The following EHMT1 variants were observed in gnomAD, a reference collection of about 807,000 sequenced individuals.
The protein encoded by EHMT1 is histone-lysine N-methyltransferase EHMT1.
Under a neutral mutation model 147.2 loss-of-function variants are expected in EHMT1, and 15 were observed. The observed-to-expected ratio is 0.10, with a 90% CI of 0.07 to 0.16. EHMT1 has a LOEUF of 0.16. Among genes scored for constraint, EHMT1 ranks in the 10% least tolerant of loss-of-function variants. The probability of loss-of-function intolerance (pLI) is 1.00; values close to 1 mark genes in which losing one functional copy is unlikely to be tolerated. For synonymous variants in EHMT1, 795 were observed against 709.6 expected, an observed-to-expected ratio of 1.12 and a Z score of -1.91; for missense variants, 1,587 against 1,772.4, an observed-to-expected ratio of 0.90 and a Z score of 1.88.
chr9:137,640,059 C>G (rs185913136), intron 1 of EHMT1, among the ~76,000 whole-genome samples: 2 of 152,150 alleles, frequency 1.3e-5, no homozygotes, highest in East Asian at 3.9e-4. Flanking sequence ...CTCTGCCTCC[C>G]GAGTAGCTAG....
intron 10 of EHMT1, chr9:137,763,209 G>A (rs891890459): frequency 4.4e-5 from 18 of 409,150 alleles, no homozygotes; most frequent in Non-Finnish European, 5.4e-5. Flanking sequence ...GGCAGGCCCC[G>A]CAAGGGCCGG....
chr9:137,658,001 T>C lies in EHMT1; in HGVS notation c.21+38952T>C, dbSNP rs190616345. On this transcript the variant is annotated intron_variant, in intron 1 of 26. Coordinates refer to ENST00000460843, the MANE Select transcript of EHMT1 (RefSeq NM_024757.5). Reference sequence around the variant, plus strand: ...TCTTTCTGTGCCCAGCTGATTTCACTTAACACAGTGACCTCCAGTTCCATC... The same window carrying C: ...TCTTTCTGTGCCCAGCTGATTTCACCTAACACAGTGACCTCCAGTTCCATC... Among the ~76,000 whole-genome samples, 388 of 152,292 alleles carry C rather than the reference T, an allele frequency of 2.5e-3. 1 individual carries two copies. Among genetic ancestry groups the C allele is most frequent in the African/African-American group, 8.8e-3 (365 of 41,566 alleles).
intron 1 of EHMT1, among the ~76,000 whole-genome samples, chr9:137,689,289 C>T (rs2134797308): frequency 6.6e-6 from 1 of 152,294 alleles, no homozygotes; most frequent in South Asian, 2.1e-4. Context: ...ATGTGTCCTT[C>T]AGGAGTATTT....
chr9:137,813,275 G>A lies in EHMT1; in HGVS notation c.3035+102G>A. On this transcript the variant is annotated intron_variant, in intron 20 of 26. Coordinates refer to ENST00000460843, the MANE Select transcript of EHMT1 (RefSeq NM_024757.5). This position sits in a 1 kb window ranked among gnomAD's most constrained non-coding sequence, Gnocchi z 4.9. ...CCTGAAGCCGAAACATCCCCAGGCT[G>A]CAGTCCAAATTGTCAGGGCCAGGTG... is the stretch of plus-strand genomic sequence containing the variant. 6.4e-7 allele frequency: 1 copy of A among 1,558,134 alleles called. No homozygotes were observed. Among genetic ancestry groups the A allele is most frequent in the East Asian group, 2.4e-5 (1 of 42,546 alleles).
chr9:137,675,667 T>G (rs1450349940), intron 1 of EHMT1, among the ~76,000 whole-genome samples: 1 of 135,768 alleles, frequency 7.4e-6, no homozygotes, highest in Admixed American at 7.8e-5. Context: ...AGAGTCTCGC[T>G]CTGTCACCAG....
intron 25 of EHMT1, among the ~76,000 whole-genome samples, chr9:137,831,029 C>T (rs59026755): frequency 0.064 from 9,786 of 152,146 alleles, 1,026 homozygotes; most frequent in African/African-American, 0.22. Flanking sequence ...TTTCCTGGTT[C>T]GTAGCCAGTG....
intron 3 of EHMT1, among the ~76,000 whole-genome samples, chr9:137,725,347 GTGCCTTCATTAGT>G (rs1946524407): frequency 6.6e-6 from 1 of 152,184 alleles, no homozygotes; most frequent in Non-Finnish European, 1.5e-5. Flanking sequence ...CGTGTGTGAG[GTGCCTTCATTAGT>G]GGACATGGCA....
At chr9:137,652,930 G>A in intron 1 of EHMT1, among the ~76,000 whole-genome samples, 1 of 151,658 alleles carries the variant, frequency 6.6e-6, no homozygotes, top group Middle Eastern at 3.2e-3. Flanking sequence ...GTTTCACCAT[G>A]TTGGCCAGGC....
chr9:137,647,838 C>A (rs1199185457), intron 1 of EHMT1, among the ~76,000 whole-genome samples: 1 of 152,092 alleles, frequency 6.6e-6, no homozygotes, highest in African/African-American at 2.4e-5. Flanking sequence ...CTCAGGCAAT[C>A]CACCCGCCTC....
rs572565689 is a variant in EHMT1, at chr9:137,728,284, T to G, written c.643-65T>G. On this transcript the variant is annotated intron_variant, in intron 3 of 26. Transcript: ENST00000460843. ...TCGGGGAGAAGAACTGTGATTTTGG[T>G]TGCATGTTATTTCAGTGACCACCTG... 1.6e-4 allele frequency: 253 copies of G among 1,605,032 alleles called. 2 individuals carry two copies. The Middle Eastern group carries it at 4.0e-3, about 25-fold the overall frequency.
intron 1 of EHMT1, chr9:137,646,294 T>G: frequency 1.0e-6 from 1 of 966,340 alleles, no homozygotes; most frequent in Non-Finnish European, 1.2e-6. Context: ...GCTAGAAATT[T>G]AAAATGATGT....
chr9:137,777,221 CAA>C (rs1405018317), intron 12 of EHMT1: 1 of 264,454 alleles, frequency 3.8e-6, no homozygotes, highest in Non-Finnish European at 7.4e-6. Flanking sequence ...TAGCTGAAGA[CAA>C]AAAAGTCTAA....
At chr9:137,734,659 T>G (rs1320374750) in intron 4 of EHMT1, among the ~76,000 whole-genome samples, 1 of 152,216 alleles carries the variant, frequency 6.6e-6, no homozygotes, top group East Asian at 1.9e-4. Context: ...CACGTTATAC[T>G]TGAGACACTT....
At position 137,813,289 on chromosome 9, in the gene EHMT1, C is replaced by T; in HGVS notation, c.3036-97C>T. On this transcript the variant is annotated intron_variant, in intron 20 of 26. Coordinates refer to ENST00000460843, the MANE Select transcript of EHMT1 (RefSeq NM_024757.5). The surrounding 1 kb of genome is among the most constrained non-coding windows in gnomAD (Gnocchi z 4.9). ...ATCCCCAGGCTGCAGTCCAAATTGTCAGGGCCAGGTGTTTGCCAGCCGCCC... is the reference window on the plus strand; with the variant it reads ...ATCCCCAGGCTGCAGTCCAAATTGTTAGGGCCAGGTGTTTGCCAGCCGCCC... The T allele has an allele frequency of 6.4e-7, 1 of 1,556,318 alleles. No homozygotes were observed. Among genetic ancestry groups the T allele is most frequent in the Non-Finnish European group, 8.6e-7 (1 of 1,156,420 alleles).
intron 1 of EHMT1, among the ~76,000 whole-genome samples, chr9:137,660,063 G>A (rs949675846): frequency 6.6e-6 from 1 of 151,904 alleles, no homozygotes; most frequent in Non-Finnish European, 1.5e-5. Context: ...ATGTGCCGGT[G>A]TGGTGGCTCA....
At chr9:137,685,996 T>A (rs990688246) in intron 1 of EHMT1, among the ~76,000 whole-genome samples, 1 of 152,216 alleles carries the variant, frequency 6.6e-6, no homozygotes, top group Admixed American at 6.5e-5. Flanking sequence ...CAGGCTGGTC[T>A]CCAGCCCCTG....
chr9:137,666,538 C>G (rs1041189347), intron 1 of EHMT1, among the ~76,000 whole-genome samples: 1 of 146,378 alleles, frequency 6.8e-6, no homozygotes, highest in Non-Finnish European at 1.5e-5. Context: ...AGAGGCCAGG[C>G]TGTGCAGGGC....
At chr9:137,710,831 C>T in intron 1 of EHMT1, 136 bp from the exon 2 acceptor site, 1 of 886,956 alleles carries the variant, frequency 1.1e-6, no homozygotes, top group Non-Finnish European at 1.7e-6. Flanking sequence ...AACCAGCTGG[C>T]AGGAGTAAAT....
At chr9:137,821,790 A>C (rs1955441982) in intron 25 of EHMT1, among the ~76,000 whole-genome samples, 1 of 152,204 alleles carries the variant, frequency 6.6e-6, no homozygotes, top group Admixed American at 6.5e-5. Flanking sequence ...CTTGTTTACT[A>C]GTTCATGAAC....
Sources: gnomAD v4.1 joint callset for allele counts (sites outside exome capture counted in the v4.1 genomes callset) on GRCh38, gnomAD v4.1.1 for gene constraint, Gnocchi (gnomAD v3.1) non-coding constraint, MANE v1.5 for transcripts, NCBI Gene and HGNC (gene_info 2026-07-23, HGNC 2026-07-21) for gene names.